CEP72: variants seen among roughly 807,000 people sequenced by gnomAD.
CEP72 encodes the protein centrosomal protein 72, also known as centrosomal protein of 72 kDa.
Under a neutral mutation model 65.7 loss-of-function variants are expected in CEP72, and 78 were observed. That is an observed-to-expected ratio of 1.19 (90% CI 0.99 to 1.43). The LOEUF (loss-of-function observed/expected upper bound fraction) is 1.43. Ranked by LOEUF, CEP72 falls within the 40% of genes most tolerant of loss-of-function variation. The pLI is 0.00. For missense variants in CEP72, 914 were observed against 832.9 expected (o/e 1.10, Z -1.20); for synonymous variants, 358 against 351.7 (o/e 1.02, Z -0.20).
intron 9 of CEP72, chr5:641,734 C>G (rs1360867789): frequency 1.0e-6 from 1 of 984,080 alleles, no homozygotes; most frequent in Non-Finnish European, 1.2e-6. Flanking sequence ...CACATGGCCC[C>G]CCATCCCCCA....
chr5:639,372 C>T, intron 8 of CEP72, 148 bp downstream of exon 8: 2 of 886,484 alleles, frequency 2.3e-6, no homozygotes, highest in South Asian at 3.7e-5. Flanking sequence ...CGCCTGGGCC[C>T]TCCCTGGCAG....
chr5:627,109 G>T (rs1736805883), intron 4 of CEP72, among the ~76,000 whole-genome samples: 1 of 152,208 alleles, frequency 6.6e-6, no homozygotes, highest in Non-Finnish European at 1.5e-5. Context: ...CTTCTGTACA[G>T]TGAGCCCATC....
intron 8 of CEP72, 74 bp downstream of exon 8, chr5:639,298 G>A: frequency 6.8e-7 from 1 of 1,480,340 alleles, no homozygotes; most frequent in South Asian, 1.4e-5. Context: ...TGCGTGTGGT[G>A]ACCTAGGAGT....
At chr5:641,504 C>T (rs1209843883) in intron 9 of CEP72, 2 of 985,018 alleles carry the variant, frequency 2.0e-6, no homozygotes, top group Non-Finnish European at 2.4e-6. Flanking sequence ...AGATCCCACA[C>T]AACGCTTCCT....
intron 2 of CEP72, chr5:664,953 G>GA (rs1438500700): frequency 1.1e-5 from 9 of 855,292 alleles, no homozygotes; most frequent in Non-Finnish European, 1.6e-5. Flanking sequence ...GGAGGGGCAG[G>GA]AGGGAGGCCT....
At chr5:619,732 G>A (rs2126735644) in intron 2 of CEP72, among the ~76,000 whole-genome samples, 1 of 152,272 alleles carries the variant, frequency 6.6e-6, no homozygotes, top group Non-Finnish European at 1.5e-5. Context: ...TCTCATCTGT[G>A]AAGGGGGGGC....
Position 612,400 on chromosome 5 carries a change from G to A in CEP72, c.39G>A (p.Glu13=). The change falls in exon 1 of 12, where the codon GAG becomes GAA. Residue 13 remains glutamate, a synonymous_variant. Coordinates refer to ENST00000264935, the MANE Select transcript of CEP72 (RefSeq NM_018140.4). The part of the protein sequence containing the change: ...RAGPRLVLSE[E]AVRAKSGLGP... ...GCCCTCGGCTGGTGCTGAGCGAGGA[G>A]GCGGTTCGGGCGAAGAGCGGCTTAG... is the stretch of plus-strand genomic sequence containing the variant. The A allele has an allele frequency of 6.7e-7, 1 of 1,489,922 alleles. No individual in the cohort carries two copies. The highest frequency in any genetic ancestry group is 8.9e-7 in the Non-Finnish European group (1 of 1,125,110). 92.3% of individuals were successfully genotyped at this position (1,489,922 alleles called of 1,614,324 possible).
chr5:671,269 G>A (rs988935054), downstream of CEP72, among the ~76,000 whole-genome samples: 7 of 152,184 alleles, frequency 4.6e-5, no homozygotes, highest in African/African-American at 7.2e-5. Flanking sequence ...TGGGGCGTGT[G>A]TAGTCACCGC....
chr5:639,931 A>G (rs1474642471), intron 8 of CEP72, among the ~76,000 whole-genome samples: 1 of 152,220 alleles, frequency 6.6e-6, no homozygotes, highest in African/African-American at 2.4e-5. Flanking sequence ...GACGCCCTGC[A>G]GTCGCAGCCC....
intron 7 of CEP72, among the ~76,000 whole-genome samples, chr5:638,144 C>T (rs1376840359): frequency 1.3e-5 from 2 of 152,224 alleles, no homozygotes; most frequent in African/African-American, 2.4e-5. Context: ...CGCTGTCCTG[C>T]GCTGCTGTTC....
chr5:675,903 A>T, the CEP72 span: 1 of 152,216 alleles, frequency 6.6e-6, no homozygotes, highest in Admixed American at 6.5e-5. Context: ...GCCCATGAGG[A>T]CACTGAGGCT....
chr5:670,252 A>T (rs1357902767), downstream of CEP72, among the ~76,000 whole-genome samples: 1 of 152,054 alleles, frequency 6.6e-6, no homozygotes, highest in Non-Finnish European at 1.5e-5. Flanking sequence ...ACCCTTGTGA[A>T]TCAGGAATGC....
downstream of CEP72, among the ~76,000 whole-genome samples, chr5:671,566 G>A (rs1740225626): frequency 6.6e-6 from 1 of 152,226 alleles, no homozygotes; most frequent in African/African-American, 2.4e-5. Flanking sequence ...CCAAGCGCAG[G>A]AGACGGGTGC....
intron 9 of CEP72, 62 bp from the exon 10 acceptor site, chr5:644,237 C>G: frequency 6.3e-7 from 1 of 1,575,676 alleles, no homozygotes; most frequent in Non-Finnish European, 8.6e-7. Context: ...TTCAGTTTTA[C>G]TTTCTATACG....
At chr5:663,286 C>T (rs754389714) in intron 1 of CEP72, 2 of 152,446 alleles carry the variant, frequency 1.3e-5, no homozygotes, top group Non-Finnish European at 2.9e-5. Flanking sequence ...CTTTCACACG[C>T]GGTCCAGCCA....
rs1579989506 is a variant in CEP72, at chr5:638,985, C to T, written c.1207-104C>T. On this transcript the variant is annotated intron_variant, in intron 7 of 11. Transcript: ENST00000264935. ...GCTGGGGCCTCAGGGCACCTGTCCT[C>T]CCCTTCGTGGTGCGAGGGCATCCCA... is the stretch of plus-strand genomic sequence containing the variant. 4.1e-6 allele frequency: 6 copies of T among 1,456,398 alleles called. No homozygotes were observed. In the East Asian group the frequency reaches 1.4e-4, roughly 33 times the overall value. The allele number at this position is 1,456,398 out of a possible 1,614,324, so 90.2% of individuals were successfully genotyped here.
intron 9 of CEP72, chr5:641,216 G>C: frequency 1.0e-6 from 1 of 985,382 alleles, no homozygotes; most frequent in Middle Eastern, 5.2e-4. Context: ...TCACGGGACA[G>C]GATCCTCCCA....
chr5:673,894 C>T, the CEP72 span, among the ~76,000 whole-genome samples: 1 of 152,268 alleles, frequency 6.6e-6, no homozygotes, highest in Non-Finnish European at 1.5e-5. Context: ...TGAGCCACAG[C>T]CACCCAGCCC....
downstream of CEP72, among the ~76,000 whole-genome samples, chr5:670,788 G>C (rs56374802): frequency 6.6e-6 from 1 of 152,182 alleles, no homozygotes; most frequent in Non-Finnish European, 1.5e-5. Context: ...AACGTTTCCC[G>C]GGGCCGACAG....
Sources: gnomAD v4.1 joint callset for allele counts (sites outside exome capture counted in the v4.1 genomes callset) on GRCh38, gnomAD v4.1.1 for gene constraint, MANE v1.5 for transcripts, NCBI Gene and HGNC (gene_info 2026-07-23, HGNC 2026-07-21) for gene names.